Variants in IGF2R observed in about 807,000 individuals in gnomAD.
IGF2R encodes the protein insulin like growth factor 2 receptor.
A neutral mutation model predicts 270.6 loss-of-function variants in IGF2R; 91 were observed. That is an observed-to-expected ratio of 0.34 (90% confidence interval 0.28 to 0.40). The LOEUF is 0.40. Ranked by LOEUF, IGF2R falls within the 10% of genes least tolerant of loss-of-function variation. IGF2R has a pLI of 1.00. For synonymous variants in IGF2R, 1,316 were observed against 1,258.9 expected, an observed-to-expected ratio of 1.05 and a Z score of -0.96; for missense variants, 2,805 against 3,188.3, an observed-to-expected ratio of 0.88 and a Z score of 2.90.
In IGF2R at chr6:160,004,641, T is replaced by C; in HGVS notation, c.290-4369T>C. The C allele has an allele frequency of 6.5e-6, 1 of 153,866 alleles. No individual in the cohort carries two copies. Among genetic ancestry groups the C allele is most frequent in the Non-Finnish European group, 1.4e-5 (1 of 69,438 alleles). 9.5% of individuals were successfully genotyped at this position (153,866 alleles called of 1,614,324 possible). On this transcript the variant is annotated intron_variant, in intron 2 of 47. Transcript: ENST00000356956. This position sits in a 1 kb window ranked among gnomAD's most constrained non-coding sequence, Gnocchi z 5.2. ...CTGCGGATTCTGGAGAACCTCAAGG[T>C]GCGGCCCCGGGGGTGTGGCCAAGTG...
intron 41 of IGF2R, among the ~76,000 whole-genome samples, chr6:160,087,479 G>A (rs1048613144): frequency 3.3e-5 from 5 of 152,206 alleles, no homozygotes; most frequent in African/African-American, 1.2e-4. Context: ...GGGCCACAAA[G>A]TACGGGAGTA....
chr6:160,061,729 A>G (rs891604603), intron 24 of IGF2R, 24 bp from the exon 25 acceptor site: 2 of 1,613,862 alleles, frequency 1.2e-6, no homozygotes, highest in Admixed American at 3.3e-5. Flanking sequence ...CCTCATGCCC[A>G]AACCACTTAT....
rs570137983 is a variant in IGF2R, at chr6:159,984,393, T to C, written c.150-6791T>C. On this transcript the variant is annotated intron_variant, in intron 1 of 47. Transcript: ENST00000356956. The stretch of plus-strand genomic sequence containing the variant: ...CTGCGCTACCAGTCTTATGAAAGCG[T>C]CCAGTCAGGTCCTAGGCCTTTAGGT... 5.9e-3 allele frequency among the ~76,000 whole-genome samples: 901 copies of C among 152,300 alleles called. 10 individuals carry two copies. Among genetic ancestry groups the C allele is most frequent in the African/African-American group, 0.021 (874 of 41,566 alleles).
At chr6:160,100,111 A>G (rs1410135575) in intron 45 of IGF2R, among the ~76,000 whole-genome samples, 1 of 152,214 alleles carries the variant, frequency 6.6e-6, no homozygotes, top group Non-Finnish European at 1.5e-5. Context: ...CAAAAATCAG[A>G]TAAGTAGAAA....
At chr6:159,979,834 T>C (rs370966514) in intron 1 of IGF2R, among the ~76,000 whole-genome samples, 1 of 152,106 alleles carries the variant, frequency 6.6e-6, no homozygotes, top group East Asian at 1.9e-4. Context: ...ACAGAGGCTG[T>C]GGGACTTTGG....
At position 160,061,510 on chromosome 6, in the gene IGF2R, T is replaced by C. The variant is rs747234432; in HGVS notation, c.3270T>C (p.Ala1090=). 5.6e-6 allele frequency: 9 copies of C among 1,613,944 alleles called. No homozygotes were observed. The South Asian group carries it at 9.9e-5, about 18-fold the overall frequency. Reference sequence around the variant, plus strand: ...TTTTTTGTTGTGTTTCAGACCTGGCTGGAAATGAGTACGACCTGACTGGCC... The same window carrying C: ...TTTTTTGTTGTGTTTCAGACCTGGCCGGAAATGAGTACGACCTGACTGGCC... ...SPVDCQVTDL[A]GNEYDLTGLS... is the part of the protein sequence containing the mutation. Residue 1090 remains alanine (A), a synonymous_variant, in exon 24 of 48, where the codon GCT becomes GCC. Transcript: ENST00000356956.
rs17847614 is a variant in IGF2R at position 160,032,762 on chromosome 6, C to T, written c.1045+49C>T. 1.9e-4 allele frequency: 296 copies of T among 1,591,458 alleles called. No individual in the cohort carries two copies. In the East Asian group the frequency reaches 2.6e-3, roughly 14 times the overall value. On this transcript the variant is annotated intron_variant, in intron 8 of 47. Coordinates refer to ENST00000356956, the MANE Select transcript of IGF2R (RefSeq NM_000876.4). ...TGGCGCTGCTTAGGAAGAAGGGGAT[C>T]GAGAGAGGGAACGGGACAGTAGGGG...
At chr6:160,021,512 T>G (rs898907389) in intron 4 of IGF2R, among the ~76,000 whole-genome samples, 22 of 150,394 alleles carry the variant, frequency 1.5e-4, no homozygotes, top group Admixed American at 3.3e-4. Flanking sequence ...GTTAATGGGT[T>G]CAGCACACCA....
Position 160,073,454 on chromosome 6 carries a change from G to A in IGF2R, c.4932G>A (p.Leu1644=). 1.2e-6 allele frequency: 2 copies of A among 1,614,226 alleles called. No individual in the cohort carries two copies. Among genetic ancestry groups the A allele is most frequent in the Non-Finnish European group, 1.7e-6 (2 of 1,180,032 alleles). The change falls in exon 34 of 48, where the codon CTG becomes CTA. Residue 1644 remains leucine (L), a synonymous_variant. Transcript: ENST00000356956. ...CTLFFSWHTP[L]ACEQATECSV... is the part of the protein sequence containing the mutation. ...TCTTCTTCTCCTGGCACACGCCGCT[G>A]GCCTGCGAGCAAGCGGTGAGTTTTC...
chr6:160,023,028 G>A (rs187597926), intron 4 of IGF2R, among the ~76,000 whole-genome samples: 15 of 152,264 alleles, frequency 9.9e-5, no homozygotes, highest in Non-Finnish European at 2.2e-4. Context: ...TCAGTGTAAT[G>A]GGAAGCTGCT....
At position 160,071,764 on chromosome 6, in the gene IGF2R, T is replaced by A. The variant is rs537788307; in HGVS notation, c.4444-146T>A. On this transcript the variant is annotated intron_variant, in intron 31 of 47. Coordinates refer to ENST00000356956, the MANE Select transcript of IGF2R (RefSeq NM_000876.4). ...CATTCTGACCCTTTGCTTTTCCTAA[T>A]CTGCGCCTCATCCCACAGGCACATG... is the stretch of plus-strand genomic sequence containing the variant. 3.0e-4 allele frequency: 321 copies of A among 1,066,316 alleles called. 1 individual carries two copies. The highest frequency in any genetic ancestry group is 4.1e-4 in the Non-Finnish European group (294 of 714,086). 66.1% of individuals were successfully genotyped at this position (1,066,316 alleles called of 1,614,324 possible).
intron 36 of IGF2R, 94 bp downstream of exon 36, chr6:160,076,090 T>C: frequency 1.6e-6 from 2 of 1,221,062 alleles, no homozygotes; most frequent in Non-Finnish European, 2.4e-6. Flanking sequence ...CCAAGGATAC[T>C]CTTATTCAAA....
rs748714762 is a variant in IGF2R at position 160,071,994 on chromosome 6, A to G, written c.4528A>G (p.Ser1510Gly). The part of the protein sequence containing the change: ...WPTATACPMK[S>G]NEHDDCQVTN... ...CACAGCCACAGCCTGTCCCATGAAGAGCAACGAGCATGATGACTGCCAGGT... is the reference window on the plus strand; with the variant it reads ...CACAGCCACAGCCTGTCCCATGAAGGGCAACGAGCATGATGACTGCCAGGT... Residue 1510 changes from serine to glycine, a missense_variant, in exon 32 of 48, where the codon AGC becomes GGC. Transcript: ENST00000356956. 1.2e-6 allele frequency: 2 copies of G among 1,614,196 alleles called. No homozygotes were observed. Among genetic ancestry groups the G allele is most frequent in the Non-Finnish European group, 1.7e-6 (2 of 1,180,030 alleles).
Position 160,047,712 on chromosome 6 carries a change from C to G in IGF2R, c.2230-80C>G, listed in dbSNP as rs8191803. ...ACAGTTTCTCATTGGGAACATTGCT[C>G]TCGTCCTTTTTTGAATCCTGGTTTT... On this transcript the variant is annotated intron_variant, in intron 16 of 47. Transcript: ENST00000356956. 1.3e-5 allele frequency: 12 copies of G among 889,234 alleles called. No individual in the cohort carries two copies. The East Asian group carries it at 2.6e-4, about 20-fold the overall frequency. 55.1% of individuals were successfully genotyped at this position (889,234 alleles called of 1,614,324 possible).
chr6:160,093,373 C>A, intron 44 of IGF2R: 1 of 277,786 alleles, frequency 3.6e-6, no homozygotes, highest in South Asian at 4.5e-5. Flanking sequence ...CTTGCCTTCC[C>A]TCTTGTTGCC....
chr6:160,074,300 C>T (rs1447454376), intron 35 of IGF2R, among the ~76,000 whole-genome samples: 1 of 152,230 alleles, frequency 6.6e-6, no homozygotes, highest in Admixed American at 6.5e-5. Context: ...TTGCCCTAGC[C>T]TGGTTTCTTT....
intron 41 of IGF2R, among the ~76,000 whole-genome samples, chr6:160,086,155 A>G (rs1779093687): frequency 6.6e-6 from 1 of 152,212 alleles, no homozygotes; most frequent in South Asian, 2.1e-4. Flanking sequence ...GGTGACATGG[A>G]ACTAGATCAT....
chr6:160,089,369 G>A (rs941239222), intron 43 of IGF2R, 116 bp downstream of exon 43: 9 of 863,524 alleles, frequency 1.0e-5, no homozygotes, highest in Non-Finnish European at 1.4e-5. Context: ...TTTAGTTACT[G>A]TTGCTGGAGT....
chr6:160,018,917 G>GA (rs1033166068), intron 4 of IGF2R, among the ~76,000 whole-genome samples: 2 of 151,854 alleles, frequency 1.3e-5, no homozygotes, highest in African/African-American at 2.4e-5. Flanking sequence ...AGAAAAAAAA[G>GA]AAAAAACCAA....
Sources: gnomAD v4.1 joint callset for allele counts (sites outside exome capture counted in the v4.1 genomes callset) on GRCh38, gnomAD v4.1.1 for gene constraint, Gnocchi (gnomAD v3.1) non-coding constraint, MANE v1.5 for transcripts, NCBI Gene and HGNC (gene_info 2026-07-23, HGNC 2026-07-21) for gene names.